ADGRV1: variants seen among roughly 807,000 people sequenced by gnomAD.
ADGRV1 encodes the protein G-protein coupled receptor 98.
A neutral mutation model predicts 596.2 loss-of-function variants in ADGRV1; 359 were observed. That is an observed-to-expected ratio of 0.60 (90% CI 0.55 to 0.66). The LOEUF (loss-of-function observed/expected upper bound fraction) is 0.66. Ranked by LOEUF, ADGRV1 falls within the 30% of genes least tolerant of loss-of-function variation. The probability of loss-of-function intolerance (pLI) is 0.00; values close to 1 mark genes in which losing one functional copy is unlikely to be tolerated. For missense variants in ADGRV1, 7,274 were observed against 7,575.6 expected (o/e 0.96, Z 1.48); for synonymous variants, 2,681 against 2,679.2 (o/e 1.00, Z -0.02).
chr5:90,896,672 C>A (rs1473454774), intron 83 of ADGRV1, among the ~76,000 whole-genome samples: 2 of 152,048 alleles, frequency 1.3e-5, no homozygotes, highest in Non-Finnish European at 2.9e-5. Flanking sequence ...CAAGTTGACA[C>A]CCATTCATCT....
chr5:90,958,299 A>AAAAAAG (rs1777674093), intron 83 of ADGRV1, among the ~76,000 whole-genome samples: 2 of 143,772 alleles, frequency 1.4e-5, no homozygotes, highest in African/African-American at 5.2e-5. Context: ...AAAAAAAAAA[A>AAAAAAG]AAAAGAAAAG....
At chr5:90,645,200 C>G (rs1260091731) in intron 15 of ADGRV1, among the ~76,000 whole-genome samples, 1 of 152,186 alleles carries the variant, frequency 6.6e-6, no homozygotes, top group Non-Finnish European at 1.5e-5. Context: ...GCAGTCTCAG[C>G]ACCGGGACAC....
chr5:90,677,273 A>C (rs1187339635), intron 25 of ADGRV1, among the ~76,000 whole-genome samples: 3 of 152,126 alleles, frequency 2.0e-5, no homozygotes, highest in Non-Finnish European at 4.4e-5. Flanking sequence ...AATATGCAAA[A>C]ATTTTTCTTT....
chr5:91,066,013 G>A (rs754128399), intron 85 of ADGRV1, among the ~76,000 whole-genome samples: 1 of 152,176 alleles, frequency 6.6e-6, no homozygotes. Flanking sequence ...CCCGAAGAGA[G>A]AGAGATTCCT....
intron 83 of ADGRV1, among the ~76,000 whole-genome samples, chr5:90,868,000 G>A (rs1001825833): frequency 2.6e-5 from 4 of 152,142 alleles, no homozygotes; most frequent in African/African-American, 9.7e-5. Context: ...GAACATTTAT[G>A]ATTATATGTT....
rs1325783225 is a variant in ADGRV1 at position 90,627,760 on chromosome 5, G to A, written c.1222G>A (p.Glu408Lys). ...GTTTGAAAGGACAGTTATAATTGAT[G>A]AAGATAGAATATCAAGGTATGATTT... ...VLFERTVIID[E>K]DRISRYEEIT... is the part of the protein sequence containing the mutation. Residue 408 changes from glutamate (E) to lysine (K), a missense_variant, in exon 7 of 90, where the codon GAA becomes AAA. Physicochemically the swap from Glu to Lys is moderately conservative, Grantham distance 56 (BLOSUM62 1). Coordinates refer to ENST00000405460, the MANE Select transcript of ADGRV1 (RefSeq NM_032119.4). 1 of 1,530,850 alleles carries A rather than the reference G, an allele frequency of 6.5e-7. No individual in the cohort carries two copies. Among genetic ancestry groups the A allele is most frequent in the Non-Finnish European group, 8.8e-7 (1 of 1,133,442 alleles). The allele number at this position is 1,530,850 out of a possible 1,614,324, so 94.8% of individuals were successfully genotyped here.
intron 83 of ADGRV1, among the ~76,000 whole-genome samples, chr5:90,925,320 G>A (rs1388558982): frequency 1.3e-5 from 2 of 150,796 alleles, no homozygotes; most frequent in Non-Finnish European, 3.0e-5. Context: ...GCAGTGGTTT[G>A]TAGTTCTCCT....
chr5:90,614,809 A>G, intron 1 of ADGRV1, 26 bp from the exon 2 acceptor site: 1 of 1,488,288 alleles, frequency 6.7e-7, no homozygotes, highest in Non-Finnish European at 9.3e-7. Flanking sequence ...TATTTTGTGA[A>G]TAATATTTTT....
chr5:90,881,552 G>A (rs1263841026), intron 83 of ADGRV1, among the ~76,000 whole-genome samples: 1 of 152,092 alleles, frequency 6.6e-6, no homozygotes, highest in Non-Finnish European at 1.5e-5. Flanking sequence ...ACTCAAGGGA[G>A]GTGAACTTTG....
chr5:90,594,629 C>A (rs1271203883), intron 1 of ADGRV1, among the ~76,000 whole-genome samples: 1 of 146,452 alleles, frequency 6.8e-6, no homozygotes, highest in Non-Finnish European at 1.5e-5. Flanking sequence ...GAGGACCCTG[C>A]GGCCTTCCAC....
rs1271107459 is a variant in ADGRV1 at position 90,985,452 on chromosome 5, C to T, written c.18082C>T (p.Leu6028Phe). The T allele has an allele frequency of 8.7e-6, 14 of 1,613,708 alleles. No individual in the cohort carries two copies. Among genetic ancestry groups the T allele is most frequent in the Non-Finnish European group, 1.1e-5 (13 of 1,179,738 alleles). ...ACTACCAGCTTTTGTGGTGATTCTCCTCATAGTTATTTTGAAAGGAATCTA... is the reference window on the plus strand; with the variant it reads ...ACTACCAGCTTTTGTGGTGATTCTCTTCATAGTTATTTTGAAAGGAATCTA... ...WGLPAFVVIL[L>F]IVILKGIYHQ... Residue 6028 changes from leucine (L) to phenylalanine (F), a missense_variant, in exon 85 of 90, where the codon CTC becomes TTC. This residue lies in a region of ADGRV1 where 1,874 missense variants were observed against 1,970.2 expected (regional missense o/e 0.95). Transcript: ENST00000405460.
intron 17 of ADGRV1, among the ~76,000 whole-genome samples, chr5:90,650,534 A>T (rs1458354971): frequency 6.6e-6 from 1 of 152,126 alleles, no homozygotes; most frequent in Non-Finnish European, 1.5e-5. Flanking sequence ...GCTATATATA[A>T]AATTTGTTTC....
chr5:90,614,930 G>A lies in ADGRV1; in HGVS notation c.118G>A (p.Glu40Lys), dbSNP rs1307417592. ...ETEIRFTGQTEFVVNETSTTV... is the reference protein window; with the variant it reads ...ETEIRFTGQTKFVVNETSTTV... Reference sequence around the variant, plus strand: ...AGAAATAAGATTTACTGGACAAACTGAATTTGTTGTTAATGAAACAAGTAC... The same window carrying A: ...AGAAATAAGATTTACTGGACAAACTAAATTTGTTGTTAATGAAACAAGTAC... The change falls in exon 2 of 90, where the codon GAA becomes AAA. Residue 40 changes from glutamate to lysine, a missense_variant. Glu to Lys is a moderately conservative substitution (Grantham distance 56). This residue lies in a region of ADGRV1 where 1,715 missense variants were observed against 1,708.8 expected (regional missense o/e 1.00). Coordinates refer to ENST00000405460, the MANE Select transcript of ADGRV1 (RefSeq NM_032119.4). The A allele has an allele frequency of 6.2e-7, 1 of 1,600,414 alleles. No individual in the cohort carries two copies. The highest frequency in any genetic ancestry group is 8.5e-7 in the Non-Finnish European group (1 of 1,171,710).
intron 83 of ADGRV1, among the ~76,000 whole-genome samples, chr5:90,869,856 G>T (rs1419770109): frequency 1.3e-5 from 2 of 152,094 alleles, no homozygotes; most frequent in African/African-American, 4.8e-5. Context: ...TCACATAGTG[G>T]TAAGTAACAG....
chr5:90,841,160 A>T (rs1407443709), intron 78 of ADGRV1, among the ~76,000 whole-genome samples, 175 bp downstream of exon 78: 2 of 152,184 alleles, frequency 1.3e-5, no homozygotes, highest in East Asian at 3.9e-4. Flanking sequence ...TCTTCCTTGG[A>T]TATGACTGAT....
At chr5:91,159,716 T>TTA (rs751050973) in intron 89 of ADGRV1, among the ~76,000 whole-genome samples, 14 of 152,124 alleles carry the variant, frequency 9.2e-5, no homozygotes, top group Non-Finnish European at 1.0e-4. Context: ...TTTTTTATTT[T>TTA]AAATAGAGCT....
chr5:90,668,103 G>A (rs1254611285), intron 21 of ADGRV1, among the ~76,000 whole-genome samples: 1 of 151,876 alleles, frequency 6.6e-6, no homozygotes, highest in African/African-American at 2.4e-5. Context: ...GCCTACAGAG[G>A]CAGGCAGGCC....
In ADGRV1 at chr5:90,935,129, G is replaced by C. The variant is rs548652308; in HGVS notation, c.17857-30286G>C. Among the ~76,000 whole-genome samples the C allele has an allele frequency of 8.5e-5, 13 of 152,304 alleles. No homozygotes were observed. In the South Asian group the frequency reaches 2.7e-3, roughly 32 times the overall value. ...ATCTCTGGCATTTATGATGGTGCCA[G>C]TTATAATGGAGAACAGTAAATGCTT... On this transcript the variant is annotated intron_variant, in intron 83 of 89. Coordinates refer to ENST00000405460, the MANE Select transcript of ADGRV1 (RefSeq NM_032119.4).
In ADGRV1 at chr5:90,810,970, CA is replaced by C; in HGVS notation, c.15711del (p.Phe5238SerfsTer20). 1 of 1,614,006 alleles carries C rather than the reference CA, an allele frequency of 6.2e-7. No individual in the cohort carries two copies. Among genetic ancestry groups the C allele is most frequent in the Non-Finnish European group, 8.5e-7 (1 of 1,179,902 alleles). On this transcript the variant is annotated frameshift_variant, in exon 74 of 90. Coordinates refer to ENST00000405460, the MANE Select transcript of ADGRV1 (RefSeq NM_032119.4). LOFTEE classifies it high-confidence loss of function. Reference sequence around the variant, plus strand: ...ATTGAAGAGGAGATGAAGAATGGCACATTCAACACTGCAGAAGTTCTTATCC... The same window carrying C: ...ATTGAAGAGGAGATGAAGAATGGCACTTCAACACTGCAGAAGTTCTTATCC... The part of the protein sequence containing the change: ...VYIEEEMKNG[T>X]FNTAEVLIRR...
Sources: allele counts gnomAD v4.1 joint callset (sites outside exome capture counted in the v4.1 genomes callset), GRCh38; gene constraint gnomAD v4.1.1; regional missense constraint gnomAD v4.1.1; transcripts MANE v1.5; gene names NCBI Gene and HGNC (gene_info 2026-07-23, HGNC 2026-07-21).